Variants in BACH2 observed in about 807,000 individuals in gnomAD.
BACH2 encodes BACH transcriptional regulator 2, also known as transcription regulator protein BACH2.
Under a neutral mutation model 61.8 loss-of-function variants are expected in BACH2, and 5 were observed. The observed-to-expected ratio is 0.08, with a 90% CI of 0.04 to 0.17. The LOEUF (loss-of-function observed/expected upper bound fraction) is 0.17. Ranked by LOEUF, BACH2 falls within the 10% of genes least tolerant of loss-of-function variation. The probability of loss-of-function intolerance (pLI) is 1.00; values close to 1 mark genes in which losing one functional copy is unlikely to be tolerated. For synonymous variants in BACH2, 446 were observed against 440.1 expected (o/e 1.01, Z -0.17); for missense variants, 824 against 1,091.1 (o/e 0.76, Z 3.45).
intron 4 of BACH2, among the ~76,000 whole-genome samples, chr6:90,150,117 C>G (rs1784760874): frequency 6.6e-6 from 1 of 152,160 alleles, no homozygotes; most frequent in South Asian, 2.1e-4. Context: ...TTGATTAGCA[C>G]CAGAGCCTTC....
intron 5 of BACH2, among the ~76,000 whole-genome samples, chr6:90,045,091 A>G (rs1030695995): frequency 6.6e-6 from 1 of 152,242 alleles, no homozygotes; most frequent in Non-Finnish European, 1.5e-5. Flanking sequence ...AACTGTTATC[A>G]GGTTGATAAC....
intron 5 of BACH2, among the ~76,000 whole-genome samples, chr6:90,051,614 T>A (rs1224923216): frequency 6.6e-6 from 1 of 152,212 alleles, no homozygotes; most frequent in African/African-American, 2.4e-5. Flanking sequence ...AACCAACTTT[T>A]GGCTCTGTTG....
At chr6:90,168,227 G>A (rs1385546092) in intron 4 of BACH2, among the ~76,000 whole-genome samples, 1 of 152,064 alleles carries the variant, frequency 6.6e-6, no homozygotes, top group Non-Finnish European at 1.5e-5. Context: ...GTGTGGTGGT[G>A]CCTATAGTCC....
At chr6:90,208,218 A>G (rs1420781878) in intron 3 of BACH2, among the ~76,000 whole-genome samples, 1 of 152,220 alleles carries the variant, frequency 6.6e-6, no homozygotes, top group Non-Finnish European at 1.5e-5. Context: ...GATCTAATTA[A>G]ACTAAAGAGC....
chr6:90,072,780 T>C (rs1026474386), intron 5 of BACH2, among the ~76,000 whole-genome samples: 2 of 152,064 alleles, frequency 1.3e-5, no homozygotes, highest in African/African-American at 4.8e-5. Context: ...TAAAGAACCC[T>C]AAACATCCCA....
At chr6:90,260,959 A>G (rs1771137616) in intron 2 of BACH2, among the ~76,000 whole-genome samples, 1 of 152,216 alleles carries the variant, frequency 6.6e-6, no homozygotes, top group Admixed American at 6.5e-5. Context: ...AGCCTGAAAT[A>G]GGAGCCCCTA....
chr6:90,092,691 T>C (rs9344989), intron 4 of BACH2, among the ~76,000 whole-genome samples: 57,875 of 151,920 alleles, frequency 0.38, 12,520 homozygotes, highest in East Asian at 0.82. Flanking sequence ...TTTCATAGTT[T>C]GGAAAAGAAC....
intron 4 of BACH2, chr6:90,116,964 A>C (rs939419967): frequency 5.3e-6 from 2 of 374,208 alleles, no homozygotes; most frequent in Non-Finnish European, 1.0e-5. Flanking sequence ...CTCTGTGAAA[A>C]TGATAGACAT....
chr6:90,072,126 T>C (rs1184068925), intron 5 of BACH2, among the ~76,000 whole-genome samples: 5 of 152,208 alleles, frequency 3.3e-5, no homozygotes, highest in African/African-American at 1.2e-4. Flanking sequence ...TAAGGGTTAA[T>C]TGTACTATGT....
Position 90,029,578 on chromosome 6 carries a change from T to G in BACH2, c.-12-20722A>C, listed in dbSNP as rs570619731. On this transcript the variant is annotated intron_variant, in intron 5 of 8. Transcript: ENST00000257749. ...TCATATTTTGTTAATGACCTATTTT[T>G]CTATTGAGGGCAGGAATTTTTACCT... 2.0e-5 allele frequency among the ~76,000 whole-genome samples: 3 copies of G among 152,354 alleles called. No individual in the cohort carries two copies. In the South Asian group the frequency reaches 6.2e-4, roughly 32 times the overall value.
Position 89,982,359 on chromosome 6 carries a change from G to A in BACH2, c.243+26243C>T, listed in dbSNP as rs117720214. Among the ~76,000 whole-genome samples the A allele has an allele frequency of 1.5e-3, 229 of 152,148 alleles. 4 individuals carry two copies. In the East Asian group the frequency reaches 0.027, roughly 18 times the overall value. On this transcript the variant is annotated intron_variant, in intron 6 of 8. Transcript: ENST00000257749. ...AGAGAGGTCACTACTGCATCTAAAA[G>A]GGCAGAGATGGGATGGAAAGACACA... is the stretch of plus-strand genomic sequence containing the variant.
chr6:90,255,245 T>A (rs1297524821), intron 2 of BACH2, among the ~76,000 whole-genome samples: 1 of 152,248 alleles, frequency 6.6e-6, no homozygotes, highest in African/African-American at 2.4e-5. Flanking sequence ...CTTCATTCTA[T>A]CTGCTCCACA....
intron 6 of BACH2, among the ~76,000 whole-genome samples, chr6:89,959,877 C>G (rs1774644154): frequency 6.6e-6 from 1 of 152,120 alleles, no homozygotes; most frequent in Admixed American, 6.5e-5. Context: ...TCGGACCTGC[C>G]AACAGGTGCA....
intron 4 of BACH2, among the ~76,000 whole-genome samples, chr6:90,114,212 A>C (rs1437718858): frequency 6.6e-6 from 1 of 152,120 alleles, no homozygotes; most frequent in Non-Finnish European, 1.5e-5. Context: ...GAGATACACT[A>C]AAAAAGAAAA....
chr6:90,094,727 G>T (rs1426200066), intron 4 of BACH2, among the ~76,000 whole-genome samples: 1 of 152,064 alleles, frequency 6.6e-6, no homozygotes, highest in African/African-American at 2.4e-5. Context: ...CATCCCAAGG[G>T]GATCATGTTC....
intron 2 of BACH2, among the ~76,000 whole-genome samples, chr6:90,268,703 C>A (rs914039383): frequency 2.6e-5 from 4 of 152,044 alleles, no homozygotes; most frequent in African/African-American, 9.6e-5. Flanking sequence ...CAAAACTGGT[C>A]CTTCACCCAA....
chr6:90,063,633 A>G (rs939037887), intron 5 of BACH2, among the ~76,000 whole-genome samples: 2 of 152,172 alleles, frequency 1.3e-5, no homozygotes, highest in Admixed American at 1.3e-4. Flanking sequence ...TGGCTCTTTT[A>G]CTTATATTTG....
In BACH2 at chr6:90,154,852, C is replaced by T. The variant is rs73752889; in HGVS notation, c.-162+51717G>A. ...CCGTAGAAAGAGACCCACTGAGAGC[C>T]TCTTGTGTACAGCCACAGACAATGG... On this transcript the variant is annotated intron_variant, in intron 4 of 8. Coordinates refer to ENST00000257749, the MANE Select transcript of BACH2 (RefSeq NM_021813.4). Among the ~76,000 whole-genome samples, 427 of 152,310 alleles carry T rather than the reference C, an allele frequency of 2.8e-3. 1 individual carries two copies. The highest frequency in any genetic ancestry group is 9.7e-3 in the African/African-American group (403 of 41,566).
chr6:89,992,947 G>A (rs997177372), intron 6 of BACH2, among the ~76,000 whole-genome samples: 4 of 152,200 alleles, frequency 2.6e-5, no homozygotes, highest in African/African-American at 9.6e-5. Flanking sequence ...AAGGTTAAAT[G>A]AGGTCACAAG....
Sources: allele counts gnomAD v4.1 joint callset (sites outside exome capture counted in the v4.1 genomes callset), GRCh38; gene constraint gnomAD v4.1.1; transcripts MANE v1.5; gene names NCBI Gene and HGNC (gene_info 2026-07-23, HGNC 2026-07-21).